Variants in AP1G1 observed in about 807,000 individuals in gnomAD.
AP1G1 encodes the protein AP-1 complex subunit gamma-1.
AP1G1 carries 7 observed loss-of-function variants against 108.3 expected under a neutral mutation model. The ratio of observed to expected loss-of-function variants is 0.06; its 90% CI spans 0.04 to 0.12. The LOEUF (loss-of-function observed/expected upper bound fraction) is 0.12. AP1G1 is among the 10% of genes least tolerant of loss of function. The probability of loss-of-function intolerance (pLI) is 1.00; values close to 1 mark genes in which losing one functional copy is unlikely to be tolerated. For synonymous variants in AP1G1, 379 were observed against 353.5 expected (o/e 1.07, Z -0.81); for missense variants, 756 against 1,010.7 (o/e 0.75, Z 3.42).
At chr16:71,753,217 C>T (rs755819040) in intron 13 of AP1G1, among the ~76,000 whole-genome samples, 2 of 152,178 alleles carry the variant, frequency 1.3e-5, no homozygotes, top group African/African-American at 2.4e-5. Context: ...ATAATAAACA[C>T]AGAAACCCTG....
chr16:71,765,785 C>T, intron 6 of AP1G1: 1 of 497,066 alleles, frequency 2.0e-6, no homozygotes, highest in Non-Finnish European at 3.6e-6. Context: ...TGTATTTTAT[C>T]TGGATAAAAC....
chr16:71,791,225 C>CAAAAAAAAAAAAAAA (rs397941817), intron 1 of AP1G1, among the ~76,000 whole-genome samples: 3 of 111,168 alleles, frequency 2.7e-5, no homozygotes, highest in Non-Finnish European at 4.0e-5. Context: ...CTCAAAAAAA[C>CAAAAAAAAAAAAAAA]AAAAAAAAAA....
At position 71,738,980 on chromosome 16, in the gene AP1G1, C is replaced by G; in HGVS notation, c.2230G>C (p.Asp744His). ...TIQASNSTEL[D>H]MTDFVFQAAV... ...GCTTGGAAAACAAAGTCCGTCATAT[C>G]TAGCTCTGTGCTGTTGGAGGCCTGT... Residue 744 changes from aspartate (D) to histidine (H), a missense_variant, in exon 21 of 23, where the codon GAT becomes CAT. Coordinates refer to ENST00000299980, the MANE Select transcript of AP1G1 (RefSeq NM_001128.6). 1 of 1,614,126 alleles carries G rather than the reference C, an allele frequency of 6.2e-7. No homozygotes were observed. Among genetic ancestry groups the G allele is most frequent in the Non-Finnish European group, 8.5e-7 (1 of 1,180,028 alleles).
At chr16:71,760,617 T>G (rs956347049) in intron 10 of AP1G1, among the ~76,000 whole-genome samples, 7 of 150,718 alleles carry the variant, frequency 4.6e-5, no homozygotes, top group Non-Finnish European at 1.0e-4. Context: ...TGATCACAGC[T>G]CACTGCAGCT....
chr16:71,790,154 A>G (rs553505947), intron 1 of AP1G1, among the ~76,000 whole-genome samples: 61 of 152,340 alleles, frequency 4.0e-4, no homozygotes, highest in African/African-American at 1.4e-3. Context: ...AATTGTTAAC[A>G]AACAGAAAAA....
At chr16:71,737,825 A>G (rs958202848) in intron 21 of AP1G1, among the ~76,000 whole-genome samples, 5 of 152,280 alleles carry the variant, frequency 3.3e-5, no homozygotes, top group African/African-American at 1.2e-4. Flanking sequence ...TTGGCAAACT[A>G]TGGCCCACTG....
chr16:71,791,764 T>TTTTTTTTC (rs2032409885), intron 1 of AP1G1, among the ~76,000 whole-genome samples: 1 of 16,102 alleles, frequency 6.2e-5, no homozygotes, highest in African/African-American at 2.8e-4. Context: ...AAACTCTGAC[T>TTTTTTTTC]TTTTTTTTTT....
At chr16:71,780,271 G>A (rs551153795) in intron 2 of AP1G1, among the ~76,000 whole-genome samples, 72 of 152,030 alleles carry the variant, frequency 4.7e-4, no homozygotes, top group African/African-American at 1.4e-3. Context: ...TTACAGGCGT[G>A]AGCCACCGCG....
intron 19 of AP1G1, among the ~76,000 whole-genome samples, chr16:71,740,314 G>T (rs980334087): frequency 2.6e-5 from 4 of 152,186 alleles, no homozygotes; most frequent in African/African-American, 9.6e-5. Context: ...CCTCCCAGTT[G>T]TAACAACCAA....
At chr16:71,800,787 C>A (rs1483548329) in intron 1 of AP1G1, among the ~76,000 whole-genome samples, 1 of 147,258 alleles carries the variant, frequency 6.8e-6, no homozygotes, top group Non-Finnish European at 1.5e-5. Context: ...GGCAACACAG[C>A]GAGACTCCGT....
intron 1 of AP1G1, among the ~76,000 whole-genome samples, chr16:71,792,491 C>T (rs1003024238): frequency 6.6e-6 from 1 of 152,070 alleles, no homozygotes; most frequent in African/African-American, 2.4e-5. Flanking sequence ...GTATTTTGGC[C>T]AAAGCACTGA....
chr16:71,749,960 T>C lies in AP1G1; in HGVS notation c.1431A>G (p.Ala477=). Residue 477 remains alanine, a synonymous_variant, in exon 15 of 23, where the codon GCA becomes GCG. Coordinates refer to ENST00000299980, the MANE Select transcript of AP1G1 (RefSeq NM_001128.6). ...YSQQPLVQVA[A]WCIGEYGDLL... is the part of the protein sequence containing the mutation. ...GATCACCATATTCACCTATACACCA[T>C]GCAGCCACTTGTACCAAAGGTTGCT... is the stretch of plus-strand genomic sequence containing the variant. 2 of 1,613,268 alleles carry C rather than the reference T, an allele frequency of 1.2e-6. No individual in the cohort carries two copies. Among genetic ancestry groups the C allele is most frequent in the Non-Finnish European group, 1.7e-6 (2 of 1,179,242 alleles).
At chr16:71,807,948 G>C in intron 1 of AP1G1, 2 of 1,262,422 alleles carry the variant, frequency 1.6e-6, no homozygotes, top group Non-Finnish European at 1.0e-6. Flanking sequence ...GAAAACATTT[G>C]ACAGCTCTTG....
chr16:71,739,121 A>G lies in AP1G1; in HGVS notation c.2108-19T>C, dbSNP rs200703967. The G allele has an allele frequency of 2.7e-5, 43 of 1,613,838 alleles. No individual in the cohort carries two copies. Among genetic ancestry groups the G allele is most frequent in the Middle Eastern group, 1.6e-4 (1 of 6,082 alleles). On this transcript the variant is annotated intron_variant, in intron 20 of 22. Coordinates refer to ENST00000299980, the MANE Select transcript of AP1G1 (RefSeq NM_001128.6). ...GGGATGCCTGAGAAAGTACAGGAAG[A>G]TAAGTCTTATTGTAGTCAGCCTAAT...
In AP1G1 at chr16:71,803,830, CAGA is replaced by C. The variant is rs769133585; in HGVS notation, c.-4+4930_-4+4932del. On this transcript the variant is annotated intron_variant, in intron 1 of 22. Coordinates refer to ENST00000299980, the MANE Select transcript of AP1G1 (RefSeq NM_001128.6). ...GTCCCAGCTACTCGGGAGGCTGAGG[CAGA>C]AGAATTGCTTGAACCAGGGGGCGGA... 9.6e-5 allele frequency among the ~76,000 whole-genome samples: 14 copies of C among 146,468 alleles called. No individual in the cohort carries two copies. The East Asian group carries it at 1.2e-3, about 13-fold the overall frequency.
intron 22 of AP1G1, among the ~76,000 whole-genome samples, chr16:71,733,442 T>C (rs556885496): frequency 1.2e-5 from 1 of 85,204 alleles, no homozygotes; most frequent in South Asian, 4.5e-4. Context: ...GAGCATTTTT[T>C]CTTTTCTTTT....
intron 13 of AP1G1, among the ~76,000 whole-genome samples, chr16:71,752,034 A>G (rs555340738): frequency 6.6e-6 from 1 of 152,340 alleles, no homozygotes; most frequent in African/African-American, 2.4e-5. Flanking sequence ...AAGTTATAAA[A>G]AGAATAATAT....
At chr16:71,739,935 G>C (rs1448825727) in intron 19 of AP1G1, among the ~76,000 whole-genome samples, 2 of 152,128 alleles carry the variant, frequency 1.3e-5, no homozygotes, top group African/African-American at 2.4e-5. Context: ...TGAATGAAAA[G>C]GGAATCTTAC....
At chr16:71,798,790 A>G (rs2032678200) in intron 1 of AP1G1, among the ~76,000 whole-genome samples, 1 of 151,886 alleles carries the variant, frequency 6.6e-6, no homozygotes, top group Admixed American at 6.6e-5. Flanking sequence ...CAGGAAGCTG[A>G]GGCAGGAGAA....
Sources: gnomAD v4.1 joint callset for allele counts (sites outside exome capture counted in the v4.1 genomes callset) on GRCh38, gnomAD v4.1.1 for gene constraint, MANE v1.5 for transcripts, NCBI Gene and HGNC (gene_info 2026-07-23, HGNC 2026-07-21) for gene names.